DDC: variants seen among roughly 807,000 people sequenced by gnomAD.
DDC encodes dopa decarboxylase, also known as aromatic-L-amino-acid decarboxylase.
Under a neutral mutation model 60.0 loss-of-function variants are expected in DDC, and 43 were observed. The ratio of observed to expected loss-of-function variants is 0.72; its 90% CI spans 0.56 to 0.92. DDC has a LOEUF of 0.92. DDC is among the 40% of genes least tolerant of loss of function. DDC has a pLI of 0.00. For missense variants in DDC, 573 were observed against 620.2 expected (o/e 0.92, Z 0.81); for synonymous variants, 232 against 234.6 (o/e 0.99, Z 0.10).
At chr7:50,538,194 A>C (rs1288912909) in intron 3 of DDC, among the ~76,000 whole-genome samples, 1 of 152,084 alleles carries the variant, frequency 6.6e-6, no homozygotes, top group African/African-American at 2.4e-5. Flanking sequence ...ACCTTACTCC[A>C]CTGAGCCTCA....
At chr7:50,526,168 G>T (rs1237487542) in intron 6 of DDC, among the ~76,000 whole-genome samples, 1 of 152,084 alleles carries the variant, frequency 6.6e-6, no homozygotes, top group Non-Finnish European at 1.5e-5. Flanking sequence ...AAAGCAAGCA[G>T]CACCTCCATT....
intron 7 of DDC, among the ~76,000 whole-genome samples, chr7:50,501,248 G>C (rs576871803): frequency 1.3e-5 from 2 of 152,302 alleles, no homozygotes; most frequent in East Asian, 3.9e-4. Flanking sequence ...CAGTTATGCT[G>C]GCACCTCAGG....
At chr7:50,473,061 T>C (rs2042568231) in intron 11 of DDC, among the ~76,000 whole-genome samples, 1 of 152,192 alleles carries the variant, frequency 6.6e-6, no homozygotes, top group African/African-American at 2.4e-5. Context: ...GTGGGAATCA[T>C]AGAGGAGCCT....
rs958476492 is a variant in DDC at position 50,558,085 on chromosome 7, C to A, written c.-29+7200G>T. ...GAAACTTTTCAGAAATCACCCCCCC[C>A]CTTACAAATTTTTTCCCTTATTTTT... On this transcript the variant is annotated intron_variant, in intron 1 of 14. Transcript: ENST00000444124. Among the ~76,000 whole-genome samples, 8 of 145,506 alleles carry A rather than the reference C, an allele frequency of 5.5e-5. No homozygotes were observed. In the South Asian group the frequency reaches 1.1e-3, roughly 21 times the overall value.
At chr7:50,538,107 C>T in intron 3 of DDC, 128 bp from the exon 4 acceptor site, 1 of 1,179,172 alleles carries the variant, frequency 8.5e-7, no homozygotes, top group Non-Finnish European at 1.2e-6. Flanking sequence ...AGATGTGATT[C>T]AAAGGCCTGA....
intron 2 of DDC, chr7:50,542,541 C>T (rs779062097): frequency 6.6e-6 from 1 of 152,274 alleles, no homozygotes; most frequent in African/African-American, 2.4e-5. Context: ...GCCAGCAGTT[C>T]GTGGGCTGCA....
intron 8 of DDC, 21 bp downstream of exon 8, chr7:50,499,127 G>GA (rs1383528108): frequency 6.3e-7 from 1 of 1,583,868 alleles, no homozygotes; most frequent in Admixed American, 1.7e-5. Flanking sequence ...CAGCCTTAGG[G>GA]AGAGCGAAGG....
intron 4 of DDC, among the ~76,000 whole-genome samples, chr7:50,530,840 GAA>G (rs2044181718): frequency 6.6e-6 from 1 of 152,200 alleles, no homozygotes; most frequent in Non-Finnish European, 1.5e-5. Context: ...TTTTTACAGA[GAA>G]ATATATAATA....
At chr7:50,532,233 G>A (rs560364923) in intron 4 of DDC, among the ~76,000 whole-genome samples, 2 of 152,116 alleles carry the variant, frequency 1.3e-5, no homozygotes, top group African/African-American at 2.4e-5. Context: ...GTGAGCTTCC[G>A]GTGGCAAACA....
At position 50,494,570 on chromosome 7, in the gene DDC, G is replaced by A. The variant is rs145985825; in HGVS notation, c.944+780C>T. Reference sequence around the variant, plus strand: ...CGCACCACTGCACTCCAACCCGGGCGACAGAGTGAGACACTGTCTCGAAAA... The same window carrying A: ...CGCACCACTGCACTCCAACCCGGGCAACAGAGTGAGACACTGTCTCGAAAA... On this transcript the variant is annotated intron_variant, in intron 9 of 14. Coordinates refer to ENST00000444124, the MANE Select transcript of DDC (RefSeq NM_001082971.2). Among the ~76,000 whole-genome samples, 514 of 150,928 alleles carry A rather than the reference G, an allele frequency of 3.4e-3. 2 individuals carry two copies. Among genetic ancestry groups the A allele is most frequent in the African/African-American group, 6.8e-3 (281 of 41,106 alleles).
chr7:50,484,903 T>C (rs2042850102), intron 9 of DDC, among the ~76,000 whole-genome samples: 1 of 151,966 alleles, frequency 6.6e-6, no homozygotes, highest in South Asian at 2.1e-4. Context: ...CCCAATAACA[T>C]CCATAAAAAA....
chr7:50,537,735 G>A, intron 4 of DDC, 125 bp downstream of exon 4: 1 of 1,291,814 alleles, frequency 7.7e-7, no homozygotes. Flanking sequence ...GCTCGGTTTT[G>A]TTTATTCTCC....
At position 50,460,438 on chromosome 7, in the gene DDC, GCCCCGTCCGGCCAGCCA is replaced by G. The variant is rs767241980; in HGVS notation, c.*19-1612_*19-1596del. ...GGGTCAGCCCCCTGCCCGGCCAGCC[GCCCCGTCCGGCCAGCCA>G]CCCGGTCCAGGAGGTGAGGGGCGCC... On this transcript the variant is annotated intron_variant, in intron 14 of 14. Transcript: ENST00000444124. Among the ~76,000 whole-genome samples, 136 of 148,568 alleles carry G rather than the reference GCCCCGTCCGGCCAGCCA, an allele frequency of 9.2e-4. 1 individual carries two copies. The highest frequency in any genetic ancestry group is 3.5e-3 in the Middle Eastern group (1 of 284).
chr7:50,552,512 G>A (rs1314079956), intron 1 of DDC, among the ~76,000 whole-genome samples: 2 of 152,168 alleles, frequency 1.3e-5, no homozygotes, highest in Non-Finnish European at 2.9e-5. Context: ...AACAGTCAGA[G>A]CTCATCTCCA....
chr7:50,565,062 G>A (rs576383083), intron 1 of DDC, among the ~76,000 whole-genome samples: 6 of 152,260 alleles, frequency 3.9e-5, no homozygotes, highest in African/African-American at 1.4e-4. Flanking sequence ...TATCAAACAT[G>A]TGTCACTGGA....
intron 1 of DDC, among the ~76,000 whole-genome samples, chr7:50,558,525 A>G (rs1199837207): frequency 4.6e-5 from 7 of 152,156 alleles, no homozygotes; most frequent in Admixed American, 1.3e-4. Context: ...GCCACATCCT[A>G]TTGTCCAAGA....
chr7:50,549,679 T>C (rs1185953308), intron 1 of DDC, among the ~76,000 whole-genome samples: 2 of 151,742 alleles, frequency 1.3e-5, no homozygotes, highest in African/African-American at 4.8e-5. Context: ...AAAAGAACAT[T>C]TGTGATTCAT....
At chr7:50,508,366 G>T (rs137947034) in intron 6 of DDC, among the ~76,000 whole-genome samples, 2 of 152,186 alleles carry the variant, frequency 1.3e-5, no homozygotes, top group African/African-American at 2.4e-5. Context: ...GACAGTTCAG[G>T]CCTCCATCTC....
rs1488197453 is a variant in DDC at position 50,556,313 on chromosome 7, C to G, written c.-29+8972G>C. 2.0e-5 allele frequency among the ~76,000 whole-genome samples: 3 copies of G among 152,286 alleles called. No individual in the cohort carries two copies. The East Asian group carries it at 5.8e-4, about 29-fold the overall frequency. Reference sequence around the variant, plus strand: ...TTGGTATCTGGTGAGGCTTGTTTCTCATAGACATAGCCTTCTCTCTATGTC... The same window carrying G: ...TTGGTATCTGGTGAGGCTTGTTTCTGATAGACATAGCCTTCTCTCTATGTC... On this transcript the variant is annotated intron_variant, in intron 1 of 14. Transcript: ENST00000444124.
Sources: gnomAD v4.1 joint callset for allele counts (sites outside exome capture counted in the v4.1 genomes callset) on GRCh38, gnomAD v4.1.1 for gene constraint, MANE v1.5 for transcripts, NCBI Gene and HGNC (gene_info 2026-07-23, HGNC 2026-07-21) for gene names.